TIMP2: variants seen among roughly 807,000 people sequenced by gnomAD.
The protein encoded by TIMP2 is TIMP metallopeptidase inhibitor 2, also known as metalloproteinase inhibitor 2.
TIMP2 carries 5 observed loss-of-function variants against 24.3 expected under a neutral mutation model. The observed-to-expected ratio is 0.21, with a 90% CI of 0.11 to 0.43. The LOEUF (loss-of-function observed/expected upper bound fraction) is 0.43. TIMP2 is among the 20% of genes least tolerant of loss of function. The probability of loss-of-function intolerance (pLI) is 1.00; values close to 1 mark genes in which losing one functional copy is unlikely to be tolerated. For synonymous variants in TIMP2, 130 were observed against 123.2 expected (o/e 1.06, Z -0.37); for missense variants, 221 against 297.5 (o/e 0.74, Z 1.89).
chr17:78,856,467 C>G (rs1478767245), intron 4 of TIMP2: 1 of 155,784 alleles, frequency 6.4e-6, no homozygotes, highest in Non-Finnish European at 1.4e-5. Flanking sequence ...AGGGCAGCCC[C>G]AGGCAGCTCC....
intron 1 of TIMP2, among the ~76,000 whole-genome samples, chr17:78,908,437 T>A (rs2145790575): frequency 6.6e-6 from 1 of 152,220 alleles, no homozygotes; most frequent in East Asian, 2.0e-4. Context: ...TAAGGCAAAA[T>A]ATACCTGTCA....
At chr17:78,881,038 G>C (rs573420961) in intron 1 of TIMP2, among the ~76,000 whole-genome samples, 1 of 152,360 alleles carries the variant, frequency 6.6e-6, no homozygotes, top group East Asian at 1.9e-4. Context: ...AAAGTCACCT[G>C]TCTGCCCAGA....
intron 4 of TIMP2, chr17:78,856,843 C>T (rs2069527928): frequency 6.6e-6 from 1 of 152,260 alleles, no homozygotes; most frequent in East Asian, 1.9e-4. Flanking sequence ...TCTCATAAGC[C>T]ACACAGGCGT....
At chr17:78,915,342 AC>A (rs1318511497) in intron 1 of TIMP2, among the ~76,000 whole-genome samples, 2 of 151,878 alleles carry the variant, frequency 1.3e-5, no homozygotes, top group Non-Finnish European at 2.9e-5. Flanking sequence ...AGACAGGCAA[AC>A]CTCATGAACA....
In TIMP2 at chr17:78,918,068, A is replaced by ACACACGCG. The variant is rs1555652957; in HGVS notation, c.130+6890_130+6891insCGCGTGTG. ...AACACGTACGCGTGCACACACAAAC[A>ACACACGCG]CACACACACACACACACACACACAC... On this transcript the variant is annotated intron_variant, in intron 1 of 4. Coordinates refer to ENST00000262768, the MANE Select transcript of TIMP2 (RefSeq NM_003255.5). Among the ~76,000 whole-genome samples the ACACACGCG allele has an allele frequency of 1.6e-3, 191 of 118,024 alleles. 2 individuals carry two copies. The highest frequency in any genetic ancestry group is 7.3e-3 in the African/African-American group (186 of 25,418). The allele number at this position is 118,024 out of a possible 152,430, so 77.4% of individuals were successfully genotyped here.
Position 78,925,319 on chromosome 17 carries a change from G to A in TIMP2, c.-231C>T, listed in dbSNP as rs1462953541. 1 of 149,728 alleles carries A rather than the reference G, an allele frequency of 6.7e-6. No homozygotes were observed. Among genetic ancestry groups the A allele is most frequent in the Non-Finnish European group, 1.5e-5 (1 of 66,684 alleles). 9.3% of individuals were successfully genotyped at this position (149,728 alleles called of 1,614,324 possible). On this transcript the variant is annotated 5_prime_UTR_variant, in exon 1 of 5. Coordinates refer to ENST00000262768, the MANE Select transcript of TIMP2 (RefSeq NM_003255.5). ...GCAATTCGCCGGGCGGGGCGGCGGG[G>A]TGGGGGGCGGCGGGCGAGCGGCGCT...
intron 1 of TIMP2, among the ~76,000 whole-genome samples, chr17:78,881,885 C>A (rs2069783350): frequency 6.6e-6 from 1 of 152,230 alleles, no homozygotes; most frequent in African/African-American, 2.4e-5. Flanking sequence ...CTTGGCGTTG[C>A]CATTGGGGAT....
chr17:78,917,473 G>T (rs559013446), intron 1 of TIMP2, among the ~76,000 whole-genome samples: 7 of 152,318 alleles, frequency 4.6e-5, no homozygotes, highest in Non-Finnish European at 8.8e-5. Context: ...TAGTATTTCT[G>T]TGTACGGTAG....
At chr17:78,871,572 C>A (rs756993752) in intron 2 of TIMP2, among the ~76,000 whole-genome samples, 1 of 151,650 alleles carries the variant, frequency 6.6e-6, no homozygotes, top group Non-Finnish European at 1.5e-5. Flanking sequence ...CTGTGCCGGG[C>A]GAAGTGGCTC....
At chr17:78,905,897 G>A (rs1298797081) in intron 1 of TIMP2, among the ~76,000 whole-genome samples, 1 of 152,222 alleles carries the variant, frequency 6.6e-6, no homozygotes, top group African/African-American at 2.4e-5. Flanking sequence ...CAGACATACT[G>A]CGGGTTGAGT....
rs956450165 is a variant in TIMP2, at chr17:78,855,734, C to T, written c.596G>A (p.Gly199Asp). 1 of 1,614,094 alleles carries T rather than the reference C, an allele frequency of 6.2e-7. No individual in the cohort carries two copies. The highest frequency in any genetic ancestry group is 1.3e-5 in the African/African-American group (1 of 74,940). Reference sequence around the variant, plus strand: ...CGCGCCGCGGTACCACGCACAGGAGCCGTCACTTCTCTTGATGCAGGCGAA... The same window carrying T: ...CGCGCCGCGGTACCACGCACAGGAGTCGTCACTTCTCTTGATGCAGGCGAA... ...KFFACIKRSD[G>D]SCAWYRGAAP... The change falls in exon 5 of 5, where the codon GGC becomes GAC. Residue 199 changes from glycine (G) to aspartate (D), a missense_variant. Gly to Asp is a moderately conservative substitution (Grantham distance 94). Coordinates refer to ENST00000262768, the MANE Select transcript of TIMP2 (RefSeq NM_003255.5). The surrounding 1 kb of genome is among the most constrained non-coding windows in gnomAD (Gnocchi z 6.0).
intron 1 of TIMP2, among the ~76,000 whole-genome samples, chr17:78,876,032 A>G (rs1035526611): frequency 3.3e-5 from 5 of 152,124 alleles, no homozygotes; most frequent in Non-Finnish European, 5.9e-5. Context: ...ACATCTAGGA[A>G]ATGTCTCCCG....
chr17:78,890,107 C>T (rs1326454248), intron 1 of TIMP2, among the ~76,000 whole-genome samples: 1 of 151,210 alleles, frequency 6.6e-6, no homozygotes, highest in Non-Finnish European at 1.5e-5. Flanking sequence ...CAGAGCAAGA[C>T]TCCGTCTCAA....
intron 3 of TIMP2, among the ~76,000 whole-genome samples, chr17:78,860,900 G>GT: frequency 6.6e-6 from 1 of 151,970 alleles, no homozygotes; most frequent in Non-Finnish European, 1.5e-5. Context: ...GCTGGGGGTG[G>GT]TGGTGCATGC....
intron 3 of TIMP2, among the ~76,000 whole-genome samples, chr17:78,858,246 T>G (rs1012280187): frequency 6.6e-6 from 1 of 151,866 alleles, no homozygotes; most frequent in African/African-American, 2.4e-5. Flanking sequence ...ATCGAGACCA[T>G]CCTGGCTAAC....
At chr17:78,879,657 C>T (rs1372850267) in intron 1 of TIMP2, among the ~76,000 whole-genome samples, 2 of 152,146 alleles carry the variant, frequency 1.3e-5, no homozygotes, top group Admixed American at 6.5e-5. Context: ...AAACCACGGC[C>T]TCTCCCTGGG....
intron 1 of TIMP2, among the ~76,000 whole-genome samples, chr17:78,893,147 ATGTGTGTGCAGGGG>A (rs1167619043): frequency 8.7e-6 from 1 of 115,332 alleles, no homozygotes; most frequent in Non-Finnish European, 1.8e-5. Flanking sequence ...GTGTGCGTAC[ATGTGTGTGCAGGGG>A]TGTGTGTGCA....
intron 1 of TIMP2, among the ~76,000 whole-genome samples, chr17:78,893,888 T>C (rs541792233): frequency 2.8e-4 from 42 of 152,246 alleles, no homozygotes; most frequent in African/African-American, 9.6e-4. Flanking sequence ...ATTGTGTCTG[T>C]TGCCACGGGT....
chr17:78,871,064 C>T, intron 2 of TIMP2, 58 bp from the exon 3 acceptor site: 2 of 1,448,026 alleles, frequency 1.4e-6, no homozygotes, highest in South Asian at 1.2e-5. Context: ...TTGGTGAATT[C>T]CGTTCCCATC....
Sources: gnomAD v4.1 joint callset for allele counts (sites outside exome capture counted in the v4.1 genomes callset) on GRCh38, gnomAD v4.1.1 for gene constraint, Gnocchi (gnomAD v3.1) non-coding constraint, MANE v1.5 for transcripts, NCBI Gene and HGNC (gene_info 2026-07-23, HGNC 2026-07-21) for gene names.